Variants in CYP27A1 observed in about 807,000 individuals in gnomAD.
CYP27A1 encodes the protein cytochrome P450 family 27 subfamily A member 1.
CYP27A1 carries 46 observed loss-of-function variants against 58.2 expected under a neutral mutation model. The observed-to-expected ratio is 0.79, with a 90% confidence interval of 0.62 to 1.01. The LOEUF is 1.01. Among genes scored for constraint, CYP27A1 ranks in the 50% least tolerant of loss-of-function variants. The probability of loss-of-function intolerance (pLI) is 0.00; values close to 1 mark genes in which losing one functional copy is unlikely to be tolerated. For missense variants in CYP27A1, 704 were observed against 687.0 expected (o/e 1.02, Z -0.28); for synonymous variants, 274 against 285.1 (o/e 0.96, Z 0.39).
intron 1 of CYP27A1, among the ~76,000 whole-genome samples, chr2:218,785,256 C>G (rs1232215250): frequency 6.6e-6 from 1 of 152,122 alleles, no homozygotes; most frequent in Non-Finnish European, 1.5e-5. Flanking sequence ...ACTGATCTGA[C>G]AGGAGGCAGA....
intron 1 of CYP27A1, among the ~76,000 whole-genome samples, chr2:218,801,785 A>G (rs1403359396): frequency 6.6e-6 from 1 of 151,898 alleles, no homozygotes; most frequent in East Asian, 1.9e-4. Context: ...TGAATTGTGT[A>G]TTCATACATA....
At chr2:218,797,110 T>G (rs994585541) in intron 1 of CYP27A1, among the ~76,000 whole-genome samples, 4 of 152,344 alleles carry the variant, frequency 2.6e-5, no homozygotes, top group Middle Eastern at 3.4e-3. Flanking sequence ...ATAATTTTTT[T>G]TTGAGATGGA....
chr2:218,814,828 A>G (rs200450104), intron 8 of CYP27A1, 71 bp downstream of exon 8: 358 of 1,612,898 alleles, frequency 2.2e-4, no homozygotes, highest in Middle Eastern at 5.0e-4. Flanking sequence ...AGAGGAAGGG[A>G]GGCACAGGGT....
Position 218,809,768 on chromosome 2 carries a change from G to A in CYP27A1, c.446+1G>A, listed in dbSNP as rs587778797. On this transcript the variant is annotated splice_donor_variant, in intron 2 of 8. Transcript: ENST00000258415. LOFTEE classifies it high-confidence loss of function. Reference sequence around the variant, plus strand: ...ACCTGACCTATGGGCCGTTCACCACGTGAGCTGGGGCCTGAAGGGACTGGA... The same window carrying A: ...ACCTGACCTATGGGCCGTTCACCACATGAGCTGGGGCCTGAAGGGACTGGA... The A allele has an allele frequency of 5.0e-6, 8 of 1,612,478 alleles. No homozygotes were observed. Among genetic ancestry groups the A allele is most frequent in the East Asian group, 2.2e-5 (1 of 44,846 alleles).
chr2:218,805,525 A>T (rs1036037318), intron 1 of CYP27A1, among the ~76,000 whole-genome samples: 1 of 152,214 alleles, frequency 6.6e-6, no homozygotes, highest in Non-Finnish European at 1.5e-5. Context: ...ATGTAATCAA[A>T]TTCTCAACTG....
In CYP27A1 at chr2:218,782,385, T is replaced by G. The variant is rs587780327; in HGVS notation, c.203T>G (p.Phe68Cys). 35 of 1,614,004 alleles carry G rather than the reference T, an allele frequency of 2.2e-5. No individual in the cohort carries two copies. The East Asian group carries it at 3.8e-4, about 17-fold the overall frequency. ...EEIPRLGQLR[F>C]FFQLFVQGYA... ...ATTCCACGTCTAGGACAGCTGCGCT[T>G]CTTCTTTCAGCTGTTCGTTCAAGGC... is the stretch of plus-strand genomic sequence containing the variant. Residue 68 changes from phenylalanine (F) to cysteine (C), a missense_variant, in exon 1 of 9, where the codon TTC becomes TGC. Transcript: ENST00000258415. This position sits in a 1 kb window ranked among gnomAD's most constrained non-coding sequence, Gnocchi z 4.1.
chr2:218,791,649 C>A (rs1943494620), intron 1 of CYP27A1, among the ~76,000 whole-genome samples: 1 of 152,116 alleles, frequency 6.6e-6, no homozygotes, highest in South Asian at 2.1e-4. Flanking sequence ...TGTGGAGGGA[C>A]CCTTCTGAGT....
intron 1 of CYP27A1, among the ~76,000 whole-genome samples, chr2:218,799,190 G>T (rs1943575857): frequency 6.6e-6 from 1 of 151,678 alleles, no homozygotes. Flanking sequence ...CTAATGCTCT[G>T]CAACTCTTCT....
intron 1 of CYP27A1, among the ~76,000 whole-genome samples, chr2:218,803,156 G>A (rs1365426123): frequency 1.3e-5 from 2 of 152,130 alleles, no homozygotes; most frequent in East Asian, 3.9e-4. Context: ...TATTGGCCAG[G>A]CTGGTCTTGA....
At chr2:218,794,200 C>T (rs1943524035) in intron 1 of CYP27A1, among the ~76,000 whole-genome samples, 1 of 152,196 alleles carries the variant, frequency 6.6e-6, no homozygotes, top group African/African-American at 2.4e-5. Context: ...GCGGACCAGT[C>T]GGAGTTTCTC....
In CYP27A1 at chr2:218,814,979, C is replaced by A; in HGVS notation, c.1545C>A (p.Val515=). Residue 515 remains valine, a synonymous_variant, in exon 9 of 9, where the codon GTC becomes GTA. Transcript: ENST00000258415. ...AGTTGAAGAGTGTGGCCCGCATTGT[C>A]CTGGTTCCCAATAAGAAAGTGGGCC... is the stretch of plus-strand genomic sequence containing the variant. ...TGELKSVARI[V]LVPNKKVGLQ... 6.2e-7 allele frequency: 1 copy of A among 1,614,188 alleles called. No homozygotes were observed. Among genetic ancestry groups the A allele is most frequent in the Non-Finnish European group, 8.5e-7 (1 of 1,180,026 alleles).
chr2:218,802,932 T>G (rs980116861), intron 1 of CYP27A1, among the ~76,000 whole-genome samples: 2 of 152,226 alleles, frequency 1.3e-5, no homozygotes, highest in Non-Finnish European at 2.9e-5. Flanking sequence ...TCAAGTTCTT[T>G]GCTTATTTAA....
intron 2 of CYP27A1, among the ~76,000 whole-genome samples, chr2:218,810,852 A>ATG (rs1943706361): frequency 6.6e-6 from 1 of 152,172 alleles, no homozygotes; most frequent in Non-Finnish European, 1.5e-5. Context: ...AAAAATATAT[A>ATG]TTAAAAAAAA....
Position 218,814,005 on chromosome 2 carries a change from C to T in CYP27A1, c.1018-16C>T, listed in dbSNP as rs1355294784. 1.9e-6 allele frequency: 3 copies of T among 1,614,166 alleles called. No homozygotes were observed. In the South Asian group the frequency reaches 3.3e-5, roughly 18 times the overall value. On this transcript the variant is annotated splice_polypyrimidine_tract_variant and intron_variant, in intron 5 of 8. Coordinates refer to ENST00000258415, the MANE Select transcript of CYP27A1 (RefSeq NM_000784.4). Reference sequence around the variant, plus strand: ...CTAGAAATCGCCCTCACCTGATCTCCCACTCTATCTTCTAGACATCCAACA... The same window carrying T: ...CTAGAAATCGCCCTCACCTGATCTCTCACTCTATCTTCTAGACATCCAACA...
intron 1 of CYP27A1, among the ~76,000 whole-genome samples, chr2:218,801,459 T>C (rs7561400): frequency 0.47 from 71,647 of 151,844 alleles, 17,372 homozygotes; most frequent in Non-Finnish European, 0.51. Context: ...TGAGCTGACA[T>C]GGTGCCACTG....
At chr2:218,802,648 C>T (rs1233956802) in intron 1 of CYP27A1, among the ~76,000 whole-genome samples, 1 of 152,154 alleles carries the variant, frequency 6.6e-6, no homozygotes, top group Non-Finnish European at 1.5e-5. Context: ...ATGTTTTCTT[C>T]GGAGGGCAAA....
intron 1 of CYP27A1, among the ~76,000 whole-genome samples, chr2:218,794,068 G>A (rs1286818409): frequency 6.6e-6 from 1 of 152,184 alleles, no homozygotes; most frequent in Non-Finnish European, 1.5e-5. Flanking sequence ...TAAAGCTAGA[G>A]AGGTGCCTGT....
intron 1 of CYP27A1, among the ~76,000 whole-genome samples, chr2:218,784,161 G>A (rs1943420855): frequency 6.6e-6 from 1 of 152,136 alleles, no homozygotes; most frequent in Non-Finnish European, 1.5e-5. Flanking sequence ...CTACAACCAG[G>A]GCTGCATCCT....
intron 1 of CYP27A1, among the ~76,000 whole-genome samples, chr2:218,800,882 G>A (rs1304852512): frequency 6.6e-6 from 1 of 152,152 alleles, no homozygotes; most frequent in Non-Finnish European, 1.5e-5. Flanking sequence ...TTACAGAAAA[G>A]TAAATATGAA....
Sources: allele counts gnomAD v4.1 joint callset (sites outside exome capture counted in the v4.1 genomes callset), GRCh38; gene constraint gnomAD v4.1.1; non-coding constraint Gnocchi (gnomAD v3.1); transcripts MANE v1.5; gene names NCBI Gene and HGNC (gene_info 2026-07-23, HGNC 2026-07-21).